Variants in PVT1 observed in about 807,000 individuals in gnomAD.
PVT1 encodes the protein Pvt1 oncogene, also known as CXCR4/PVT1 fusion.
intron 4 of PVT1, among the ~76,000 whole-genome samples, chr8:128,064,136 C>T (rs751897406): frequency 4.0e-4 from 61 of 152,158 alleles, no homozygotes; most frequent in African/African-American, 1.3e-3. Context: ...CTGCAGTACC[C>T]GTCCCTGGCA....
At chr8:127,915,476 G>T (rs1815972370) in intron 3 of PVT1, among the ~76,000 whole-genome samples, 1 of 151,982 alleles carries the variant, frequency 6.6e-6, no homozygotes, top group Non-Finnish European at 1.5e-5. Flanking sequence ...GCCAGGCGTG[G>T]TGGCACGTGC....
At chr8:128,050,099 A>T (rs779755757) in intron 4 of PVT1, among the ~76,000 whole-genome samples, 3 of 152,144 alleles carry the variant, frequency 2.0e-5, no homozygotes, top group African/African-American at 4.8e-5. Context: ...TGTGCAGCCT[A>T]ATTCTCAAGT....
chr8:127,904,151 A>C (rs1815792364), intron 3 of PVT1, among the ~76,000 whole-genome samples: 1 of 152,068 alleles, frequency 6.6e-6, no homozygotes, highest in Non-Finnish European at 1.5e-5. Flanking sequence ...CTTGGTTAGA[A>C]AGTATTACTA....
intron 3 of PVT1, among the ~76,000 whole-genome samples, chr8:127,958,566 TTTTGGGGAAGACAGGGCAGG>T (rs1290410421): frequency 6.6e-6 from 1 of 152,088 alleles, no homozygotes; most frequent in Non-Finnish European, 1.5e-5. Flanking sequence ...TTGATCCCCT[TTTTGGGGAAGACAGGGCAGG>T]TTGAAAGGTC....
At chr8:127,984,081 G>A (rs955038763) in intron 3 of PVT1, 1 of 152,030 alleles carries the variant, frequency 6.6e-6, no homozygotes, top group Non-Finnish European at 1.5e-5. Flanking sequence ...GTTTCACCAT[G>A]TTGGCCAGGT....
At chr8:128,051,566 G>A (rs936512071) in intron 4 of PVT1, among the ~76,000 whole-genome samples, 10 of 151,822 alleles carry the variant, frequency 6.6e-5, no homozygotes, top group Non-Finnish European at 1.3e-4. Context: ...CTCCTCTTGA[G>A]TTCCCATAAT....
rs368474406 is a variant in PVT1, at chr8:127,921,781, C to T, written n.782+30783C>T. On this transcript the variant is annotated intron_variant and non_coding_transcript_variant, in intron 3 of 10. Transcript: ENST00000651587. ...TGAGCCAACATCACGTCACTGCACT[C>T]CAGCCTGGGTGAGACTGCGAGACTC... Among the ~76,000 whole-genome samples the T allele has an allele frequency of 2.0e-5, 3 of 150,688 alleles. No homozygotes were observed. In the South Asian group the frequency reaches 6.4e-4, roughly 32 times the overall value.
chr8:128,089,406 G>T (rs558968967), intron 5 of PVT1, among the ~76,000 whole-genome samples: 1 of 152,078 alleles, frequency 6.6e-6, no homozygotes, highest in Non-Finnish European at 1.5e-5. Context: ...GGGGTCCACC[G>T]TCATGACCAT....
At chr8:128,086,015 G>A (rs1341344906) in intron 5 of PVT1, among the ~76,000 whole-genome samples, 3 of 152,298 alleles carry the variant, frequency 2.0e-5, no homozygotes, top group East Asian at 1.9e-4. Flanking sequence ...GTCAGCCGTC[G>A]AATGGTTAGA....
At chr8:128,062,607 G>A (rs1456792460) in intron 4 of PVT1, among the ~76,000 whole-genome samples, 1 of 152,142 alleles carries the variant, frequency 6.6e-6, no homozygotes, top group African/African-American at 2.4e-5. Flanking sequence ...ATAGTATCAT[G>A]TCATTTGTAG....
At chr8:128,092,248 T>C (rs1377803970) in intron 5 of PVT1, among the ~76,000 whole-genome samples, 7 of 152,114 alleles carry the variant, frequency 4.6e-5, no homozygotes, top group Admixed American at 3.3e-4. Context: ...TGAAACTCCC[T>C]AGTCCTGTAC....
At chr8:127,904,712 A>G (rs1214690729) in intron 3 of PVT1, among the ~76,000 whole-genome samples, 1 of 152,080 alleles carries the variant, frequency 6.6e-6, no homozygotes, top group Admixed American at 6.5e-5. Flanking sequence ...CTTCCATTTT[A>G]CCACTGACAG....
chr8:127,855,790 C>T (rs973492198), intron 2 of PVT1, among the ~76,000 whole-genome samples: 3 of 152,166 alleles, frequency 2.0e-5, no homozygotes, highest in Non-Finnish European at 2.9e-5. Flanking sequence ...ATGGATAGAC[C>T]TCGTGTGAAA....
intron 2 of PVT1, among the ~76,000 whole-genome samples, chr8:127,846,980 C>CT (rs34437112): frequency 0.038 from 2,349 of 62,394 alleles, 119 homozygotes; most frequent in Non-Finnish European, 0.054. Flanking sequence ...TGCACATGGC[C>CT]TTTTTTTTTT....
At chr8:128,047,405 T>C (rs2130098912) in intron 4 of PVT1, among the ~76,000 whole-genome samples, 1 of 152,328 alleles carries the variant, frequency 6.6e-6, no homozygotes, top group South Asian at 2.1e-4. Context: ...ACGTTTTTGT[T>C]TTCTTGTGTG....
intron 2 of PVT1, among the ~76,000 whole-genome samples, chr8:127,818,922 A>G (rs1814697751): frequency 2.0e-5 from 3 of 152,112 alleles, no homozygotes; most frequent in South Asian, 4.1e-4. Flanking sequence ...TGGCGTGATC[A>G]TAGCTCACAA....
intron 3 of PVT1, among the ~76,000 whole-genome samples, chr8:127,891,248 G>A (rs1177958502): frequency 6.6e-6 from 1 of 152,204 alleles, no homozygotes; most frequent in East Asian, 1.9e-4. Flanking sequence ...CCTATAAAGT[G>A]CCTCTGCTGT....
intron 3 of PVT1, among the ~76,000 whole-genome samples, chr8:127,985,187 C>T (rs1052028826): frequency 1.3e-5 from 2 of 151,914 alleles, no homozygotes; most frequent in Non-Finnish European, 2.9e-5. Context: ...GTGCCTGCCA[C>T]TGCCCCTGGC....
chr8:127,930,722 C>A (rs942728518), intron 3 of PVT1, among the ~76,000 whole-genome samples: 2 of 152,068 alleles, frequency 1.3e-5, no homozygotes, highest in Non-Finnish European at 2.9e-5. Context: ...CACTGACATG[C>A]CCAGGTCTGT....
Sources: allele counts gnomAD v4.1 joint callset (sites outside exome capture counted in the v4.1 genomes callset), GRCh38; gene constraint gnomAD v4.1.1; transcripts MANE v1.5; gene names NCBI Gene and HGNC (gene_info 2026-07-23, HGNC 2026-07-21).